The following SRCIN1 variants were observed in gnomAD, a reference collection of about 807,000 sequenced individuals.
The protein encoded by SRCIN1 is SRC kinase signaling inhibitor 1, also known as P130Cas-associated protein.
In SRCIN1, 50 loss-of-function variants were observed where a neutral mutation model predicts 116.2. The observed-to-expected ratio is 0.43, with a 90% CI of 0.34 to 0.54. SRCIN1 has a LOEUF of 0.54. SRCIN1 is among the 20% of genes least tolerant of loss of function. The pLI, the probability that SRCIN1 is intolerant of heterozygous loss-of-function variation, is 0.02. For missense variants in SRCIN1, 1,446 were observed against 1,672.0 expected, an observed-to-expected ratio of 0.86 and a Z score of 2.36; for synonymous variants, 736 against 750.0, an observed-to-expected ratio of 0.98 and a Z score of 0.30.
upstream of SRCIN1, chr17:38,605,967 CGGCGCGGGTGTGTCACTGCGGGCG>C (rs1226185716): frequency 7.1e-6 from 1 of 140,400 alleles, no homozygotes; most frequent in East Asian, 2.2e-4. Context: ...GCGCGCGGGC[CGGCGCGGGTGTGTCACTGCGGGCG>C]GGCGCGCGCG....
At position 38,546,943 on chromosome 17, in the gene SRCIN1, G is replaced by A. The variant is rs540612428; in HGVS notation, c.3270+1614C>T. On this transcript the variant is annotated intron_variant, in intron 17 of 18. Transcript: ENST00000617146. ...CCCCCTGCCTCAACCTGACCTGGCA[G>A]AGAGAGAGAGATTCCCAGACCTTCC... Among the ~76,000 whole-genome samples, 18 of 152,236 alleles carry A rather than the reference G, an allele frequency of 1.2e-4. No homozygotes were observed. In the South Asian group the frequency reaches 3.5e-3, roughly 30 times the overall value.
intron 18 of SRCIN1, among the ~76,000 whole-genome samples, chr17:38,536,082 C>T (rs1053398045): frequency 5.9e-5 from 9 of 152,216 alleles, no homozygotes; most frequent in African/African-American, 1.9e-4. Flanking sequence ...AGTGCAAGAC[C>T]TTTAGACATC....
In SRCIN1 at chr17:38,544,471, T is replaced by C; in HGVS notation, c.3271-502A>G. On this transcript the variant is annotated intron_variant, in intron 17 of 18. Transcript: ENST00000617146. The surrounding 1 kb of genome is among the most constrained non-coding windows in gnomAD (Gnocchi z 4.5). ...TGGGCAAGCTTGGCTCCCATGAACCTCCCCAAGTACCAGGCCTGCCCGCGG... is the reference window on the plus strand; with the variant it reads ...TGGGCAAGCTTGGCTCCCATGAACCCCCCCAAGTACCAGGCCTGCCCGCGG... 6.5e-6 allele frequency: 1 copy of C among 153,176 alleles called. No homozygotes were observed. The highest frequency in any genetic ancestry group is 1.5e-5 in the Non-Finnish European group (1 of 68,890). 9.5% of individuals were successfully genotyped at this position (153,176 alleles called of 1,614,324 possible).
Position 38,551,909 on chromosome 17 carries a change from C to T in SRCIN1, c.2704G>A (p.Val902Met), listed in dbSNP as rs200521253. Reference sequence around the variant, plus strand: ...ACCTCAACAGACACAGCTTTGTCCACGCTTCTCTTGCCAGGAGTGTCCAGG... The same window carrying T: ...ACCTCAACAGACACAGCTTTGTCCATGCTTCTCTTGCCAGGAGTGTCCAGG... ...KGLDTPGKRS[V>M]DKAVSVEAAE... is the part of the protein sequence containing the mutation. The change falls in exon 14 of 19, where the codon GTG becomes ATG. Residue 902 changes from valine (V) to methionine (M), a missense_variant. Val to Met is a conservative substitution (Grantham distance 21). This residue lies in a region of SRCIN1 where 531 missense variants were observed against 633.9 expected (regional missense o/e 0.84). Transcript: ENST00000617146. 1,343 of 1,614,012 alleles carry T rather than the reference C, an allele frequency of 8.3e-4. 3 individuals are homozygous for T. Among genetic ancestry groups the T allele is most frequent in the South Asian group, 3.7e-3 (336 of 91,084 alleles).
chr17:38,537,877 G>A (rs867345663), intron 18 of SRCIN1, among the ~76,000 whole-genome samples: 11 of 151,872 alleles, frequency 7.2e-5, no homozygotes, highest in African/African-American at 4.8e-5. Flanking sequence ...TGAGGTGGGT[G>A]GATCACAAGG....
intron 1 of SRCIN1, among the ~76,000 whole-genome samples, chr17:38,590,125 CAA>C (rs759468459): frequency 2.6e-4 from 40 of 152,340 alleles, no homozygotes; most frequent in Non-Finnish European, 4.3e-4. Flanking sequence ...GCGAAAGACA[CAA>C]AGACTCCCAC....
intron 2 of SRCIN1, among the ~76,000 whole-genome samples, chr17:38,578,234 A>ACGCTCT (rs1907535841): frequency 6.6e-6 from 1 of 152,122 alleles, no homozygotes; most frequent in Non-Finnish European, 1.5e-5. Flanking sequence ...GCCCCGTCAC[A>ACGCTCT]CGCTCTCGAT....
chr17:38,597,848 T>C (rs1908803623), intron 1 of SRCIN1, among the ~76,000 whole-genome samples: 1 of 152,110 alleles, frequency 6.6e-6, no homozygotes, highest in Non-Finnish European at 1.5e-5. Context: ...TGCCTCGTCC[T>C]AAGAGTGGGA....
intron 1 of SRCIN1, among the ~76,000 whole-genome samples, chr17:38,581,503 G>A (rs1364610087): frequency 1.3e-5 from 2 of 148,964 alleles, no homozygotes; most frequent in Non-Finnish European, 3.0e-5. Context: ...TTTTCATAAG[G>A]ATTAGAAAAA....
At chr17:38,605,112 G>A (rs1255217639) in intron 1 of SRCIN1, among the ~76,000 whole-genome samples, 7 of 151,928 alleles carry the variant, frequency 4.6e-5, no homozygotes, top group Admixed American at 2.0e-4. Context: ...TGGCAACGCG[G>A]CCAACCCCAG....
rs1395376635 is a variant in SRCIN1, at chr17:38,533,103, AAAAAAAAAAC to A, written c.*184_*193del. The A allele has an allele frequency of 4.7e-6, 2 of 424,040 alleles. No homozygotes were observed. Among genetic ancestry groups the A allele is most frequent in the Non-Finnish European group, 3.7e-6 (1 of 267,856 alleles). 26.3% of individuals were successfully genotyped at this position (424,040 alleles called of 1,614,324 possible). A position where few individuals can be genotyped will look rare whatever the true frequency, so the allele number is the denominator to read the frequency against. On this transcript the variant is annotated 3_prime_UTR_variant, in exon 19 of 19. Transcript: ENST00000617146. ...AATTAAAAGTTAATTGTTAAAAAAA[AAAAAAAAAAC>A]AAAACCAAAAACACCAACAGATGAT... is the stretch of plus-strand genomic sequence containing the variant.
Position 38,552,211 on chromosome 17 carries a change from T to G in SRCIN1, c.2481-79A>C, listed in dbSNP as rs1905471269. On this transcript the variant is annotated intron_variant, in intron 13 of 18. Transcript: ENST00000617146. This position sits in a 1 kb window ranked among gnomAD's most constrained non-coding sequence, Gnocchi z 5.3. ...TGCAGGAAGGCTGCTCTGAGGGAGG[T>G]GGGGTGGGAGGCAGGCTCTGGGATG... 3 of 1,527,838 alleles carry G rather than the reference T, an allele frequency of 2.0e-6. No homozygotes were observed. The highest frequency in any genetic ancestry group is 1.4e-5 in the African/African-American group (1 of 70,348). The allele number at this position is 1,527,838 out of a possible 1,614,324, so 94.6% of individuals were successfully genotyped here.
At chr17:38,587,610 A>T (rs892334974) in intron 1 of SRCIN1, among the ~76,000 whole-genome samples, 1 of 151,648 alleles carries the variant, frequency 6.6e-6, no homozygotes, top group Non-Finnish European at 1.5e-5. Context: ...TTTCCATTCC[A>T]CGATGCCACT....
rs1009066829 is a variant in SRCIN1 at position 38,562,702 on chromosome 17, C to A, written c.834+125G>T. The A allele has an allele frequency of 1.2e-6, 1 of 815,688 alleles. No homozygotes were observed. The highest frequency in any genetic ancestry group is 1.6e-5 in the South Asian group (1 of 63,400). 50.5% of individuals were successfully genotyped at this position (815,688 alleles called of 1,614,324 possible). On this transcript the variant is annotated intron_variant, in intron 6 of 18. Transcript: ENST00000617146. The surrounding 1 kb of genome is among the most constrained non-coding windows in gnomAD (Gnocchi z 4.2). ...AGGTGGGACAGGGGCTCTTCCCTAA[C>A]CCCTCAGCCCCTATGCTGTCTTCTC...
In SRCIN1 at chr17:38,530,932, C is replaced by A. The variant is rs2040912348; in HGVS notation, c.*2365G>T. 1 of 152,302 alleles carries A rather than the reference C, an allele frequency of 6.6e-6. No homozygotes were observed. The highest frequency in any genetic ancestry group is 2.1e-4 in the South Asian group (1 of 4,840). 9.4% of individuals were successfully genotyped at this position (152,302 alleles called of 1,614,324 possible). On this transcript the variant is annotated 3_prime_UTR_variant, in exon 19 of 19. Transcript: ENST00000617146. ...GCACACACAGTGCATGGGCTTGTGCCAGCACACACACAGGCTGCACGCAAT... is the reference window on the plus strand; with the variant it reads ...GCACACACAGTGCATGGGCTTGTGCAAGCACACACACAGGCTGCACGCAAT...
chr17:38,540,210 C>T (rs73982823), intron 18 of SRCIN1, among the ~76,000 whole-genome samples: 5,768 of 152,148 alleles, frequency 0.038, 392 homozygotes, highest in African/African-American at 0.13. Context: ...ACAACATTCA[C>T]GGGCTTCTCC....
intron 1 of SRCIN1, among the ~76,000 whole-genome samples, chr17:38,583,559 T>G (rs1377413585): frequency 1.3e-5 from 2 of 148,486 alleles, no homozygotes; most frequent in Non-Finnish European, 3.0e-5. Context: ...TTTTTTTTTT[T>G]TTTTTTTTTT....
Position 38,568,239 on chromosome 17 carries a change from T to C in SRCIN1, c.325-8A>G, listed in dbSNP as rs775232613. 3 of 1,612,474 alleles carry C rather than the reference T, an allele frequency of 1.9e-6. No homozygotes were observed. The highest frequency in any genetic ancestry group is 3.3e-4 in the Middle Eastern group (2 of 6,062). ...GAAACTCCAGTAGTTTGGCTGCTGA[T>C]GGAAATAAGAGAAGAGATGGTTATG... On this transcript the variant is annotated splice_polypyrimidine_tract_variant and splice_region_variant and intron_variant, in intron 2 of 18. Coordinates refer to ENST00000617146, the MANE Select transcript of SRCIN1 (RefSeq NM_025248.3). This position sits in a 1 kb window ranked among gnomAD's most constrained non-coding sequence, Gnocchi z 4.5.
In SRCIN1 at chr17:38,558,424, G is replaced by A. The variant is rs1207664974; in HGVS notation, c.2026-22C>T. The A allele has an allele frequency of 3.8e-6, 6 of 1,571,640 alleles. No homozygotes were observed. In the Middle Eastern group the frequency reaches 8.7e-4, roughly 227 times the overall value. On this transcript the variant is annotated intron_variant, in intron 10 of 18. Transcript: ENST00000617146. This position sits in a 1 kb window ranked among gnomAD's most constrained non-coding sequence, Gnocchi z 4.6. ...GTAGCTGCGGGACGCACGGACGGATGGACCCGGGTGGGGGGAGCGGAGCCG... is the reference window on the plus strand; with the variant it reads ...GTAGCTGCGGGACGCACGGACGGATAGACCCGGGTGGGGGGAGCGGAGCCG...
Sources: allele counts gnomAD v4.1 joint callset (sites outside exome capture counted in the v4.1 genomes callset), GRCh38; gene constraint gnomAD v4.1.1; regional missense constraint gnomAD v4.1.1; non-coding constraint Gnocchi (gnomAD v3.1); transcripts MANE v1.5; gene names NCBI Gene and HGNC (gene_info 2026-07-23, HGNC 2026-07-21).